The following FILIP1 variants were observed in gnomAD, a reference collection of about 807,000 sequenced individuals.
FILIP1 encodes filamin-A-interacting protein 1.
A neutral mutation model predicts 102.1 loss-of-function variants in FILIP1; 61 were observed. The ratio of observed to expected loss-of-function variants is 0.60; its 90% CI spans 0.49 to 0.74. FILIP1 has a LOEUF of 0.74. Ranked by LOEUF, FILIP1 falls within the 30% of genes least tolerant of loss-of-function variation. The probability of loss-of-function intolerance (pLI) is 0.00; values close to 1 mark genes in which losing one functional copy is unlikely to be tolerated. For missense variants in FILIP1, 1,314 were observed against 1,441.2 expected (o/e 0.91, Z 1.43); for synonymous variants, 491 against 526.9 (o/e 0.93, Z 0.93).
chr6:75,359,001 C>T (rs760347057), intron 3 of FILIP1, among the ~76,000 whole-genome samples: 2 of 147,080 alleles, frequency 1.4e-5, no homozygotes, highest in Non-Finnish European at 3.0e-5. Flanking sequence ...AGCCACTGCG[C>T]CCAGCCCTTA....
chr6:75,346,274 TG>T (rs1774580721), intron 4 of FILIP1, among the ~76,000 whole-genome samples: 1 of 152,224 alleles, frequency 6.6e-6, no homozygotes, highest in African/African-American at 2.4e-5. Context: ...GCATAACCCT[TG>T]ATTAATTAGA....
chr6:75,343,970 C>G (rs1166261889), intron 4 of FILIP1, among the ~76,000 whole-genome samples: 1 of 152,158 alleles, frequency 6.6e-6, no homozygotes, highest in Non-Finnish European at 1.5e-5. Flanking sequence ...GTCTCCACAG[C>G]CAGATAGGCC....
At chr6:75,402,431 C>G (rs1279160505) in intron 2 of FILIP1, among the ~76,000 whole-genome samples, 1 of 152,178 alleles carries the variant, frequency 6.6e-6, no homozygotes, top group South Asian at 2.1e-4. Flanking sequence ...TGAGGTTTCA[C>G]TGGGCAGCCT....
chr6:75,450,925 A>G (rs1228737022), intron 1 of FILIP1, among the ~76,000 whole-genome samples: 1 of 152,160 alleles, frequency 6.6e-6, no homozygotes, highest in African/African-American at 2.4e-5. Flanking sequence ...ATTGCACTCC[A>G]GCCTGAGCAA....
At chr6:75,470,120 G>A (rs1048171161) in intron 1 of FILIP1, among the ~76,000 whole-genome samples, 1 of 151,938 alleles carries the variant, frequency 6.6e-6, no homozygotes. Context: ...AAAACAAGGG[G>A]CAAACTGTTA....
chr6:75,398,659 G>A (rs781180060), intron 2 of FILIP1, among the ~76,000 whole-genome samples: 11 of 152,294 alleles, frequency 7.2e-5, no homozygotes, highest in Middle Eastern at 3.4e-3. Flanking sequence ...ACAATGTCAA[G>A]ATGCTAAAAG....
intron 6 of FILIP1, among the ~76,000 whole-genome samples, chr6:75,296,365 GT>G (rs1772672588): frequency 3.3e-5 from 5 of 150,942 alleles, no homozygotes; most frequent in African/African-American, 1.2e-4. Context: ...GTGTGTGTGT[GT>G]GTGTGTGTGT....
At chr6:75,321,948 G>A (rs1176081424) in intron 4 of FILIP1, among the ~76,000 whole-genome samples, 1 of 152,198 alleles carries the variant, frequency 6.6e-6, no homozygotes, top group Non-Finnish European at 1.5e-5. Flanking sequence ...CCTGTGCAGA[G>A]AGAGAAGAGG....
chr6:75,304,574 G>A (rs941845976), downstream of FILIP1, among the ~76,000 whole-genome samples: 3 of 152,168 alleles, frequency 2.0e-5, no homozygotes, highest in Non-Finnish European at 4.4e-5. Flanking sequence ...GTTGGCTGCT[G>A]ATTTATCAAA....
At chr6:75,477,795 T>A (rs898609856) in intron 1 of FILIP1, among the ~76,000 whole-genome samples, 1 of 152,022 alleles carries the variant, frequency 6.6e-6, no homozygotes, top group African/African-American at 2.4e-5. Flanking sequence ...CAAGTCACAG[T>A]GTGATTATGT....
chr6:75,328,574 G>A (rs772491704), intron 4 of FILIP1, among the ~76,000 whole-genome samples: 8 of 152,150 alleles, frequency 5.3e-5, no homozygotes, highest in Middle Eastern at 3.4e-3. Context: ...CTGCAACTTC[G>A]GCCTCCCGGG....
chr6:75,397,602 AT>A (rs60276768), intron 2 of FILIP1, among the ~76,000 whole-genome samples: 101,640 of 150,008 alleles, frequency 0.68, 34,728 homozygotes, highest in Middle Eastern at 0.77. Context: ...ATATATATAT[AT>A]AATTCCAAGT....
At chr6:75,318,169 T>G (rs1336823948) in intron 4 of FILIP1, among the ~76,000 whole-genome samples, 1 of 151,856 alleles carries the variant, frequency 6.6e-6, no homozygotes, top group African/African-American at 2.4e-5. Flanking sequence ...TGTCACTTCT[T>G]CAAACCCAAT....
At chr6:75,423,725 TC>T (rs1295552530) in intron 1 of FILIP1, among the ~76,000 whole-genome samples, 1 of 152,134 alleles carries the variant, frequency 6.6e-6, no homozygotes, top group Non-Finnish European at 1.5e-5. Context: ...TTTTGCCTCA[TC>T]CGCCATACTC....
At chr6:75,417,045 A>T (rs2808204) in intron 1 of FILIP1, among the ~76,000 whole-genome samples, 101,318 of 151,872 alleles carry the variant, frequency 0.67, 34,444 homozygotes, top group African/African-American at 0.81. Flanking sequence ...TATTATATTA[A>T]TGGCTTTTAC....
intron 2 of FILIP1, among the ~76,000 whole-genome samples, chr6:75,385,841 A>ATT (rs10716918): frequency 1.4e-5 from 2 of 141,064 alleles, no homozygotes; most frequent in African/African-American, 2.6e-5. Context: ...GCCCCTTAGG[A>ATT]TTTTTTTTTT....
chr6:75,316,511 CACTG>C (rs1773454109), intron 4 of FILIP1, among the ~76,000 whole-genome samples: 1 of 151,644 alleles, frequency 6.6e-6, no homozygotes, highest in South Asian at 2.1e-4. Flanking sequence ...TTTTACTTGT[CACTG>C]ACTGAAAGCT....
intron 2 of FILIP1, among the ~76,000 whole-genome samples, chr6:75,386,697 C>A (rs1366544174): frequency 2.0e-5 from 3 of 152,120 alleles, no homozygotes; most frequent in Non-Finnish European, 2.9e-5. Context: ...TTCACCAAAG[C>A]CACAAACGAA....
chr6:75,437,182 G>A lies in FILIP1; in HGVS notation c.-6-22204C>T, dbSNP rs140729768. ...TGTGCCCGATAAGGATAAAGATCAT[G>A]CCTCAGTCCACAGTATTATGGCTGG... On this transcript the variant is annotated intron_variant, in intron 1 of 5. Coordinates refer to ENST00000237172, the MANE Select transcript of FILIP1 (RefSeq NM_015687.5). Among the ~76,000 whole-genome samples, 608 of 152,334 alleles carry A rather than the reference G, an allele frequency of 4.0e-3. 1 individual carries two copies. The highest frequency in any genetic ancestry group is 5.4e-3 in the Non-Finnish European group (367 of 68,036).
Sources: gnomAD v4.1 joint callset for allele counts (sites outside exome capture counted in the v4.1 genomes callset) on GRCh38, gnomAD v4.1.1 for gene constraint, MANE v1.5 for transcripts, NCBI Gene and HGNC (gene_info 2026-07-23, HGNC 2026-07-21) for gene names.